ADAMTS18: variants seen among roughly 807,000 people sequenced by gnomAD.
The protein encoded by ADAMTS18 is ADAM metallopeptidase with thrombospondin type 1 motif 18.
In ADAMTS18, 157 loss-of-function variants were observed where a neutral mutation model predicts 165.9. That is an observed-to-expected ratio of 0.95 (90% CI 0.83 to 1.08). The LOEUF (loss-of-function observed/expected upper bound fraction) is 1.08, where lower values mean the gene tolerates loss of function less well. ADAMTS18 is among the 50% of genes least tolerant of loss of function. The probability of loss-of-function intolerance (pLI) is 0.00; values close to 1 mark genes in which losing one functional copy is unlikely to be tolerated. For missense variants in ADAMTS18, 2,040 were observed against 1,534.0 expected (o/e 1.33, Z -5.51); for synonymous variants, 782 against 578.2 (o/e 1.35, Z -5.06).
rs775166151 is a variant in ADAMTS18, at chr16:77,293,060, G to C, written c.3189+16C>G. 6 of 1,613,874 alleles carry C rather than the reference G, an allele frequency of 3.7e-6. No individual in the cohort carries two copies. The East Asian group carries it at 1.3e-4, about 36-fold the overall frequency. ...GGTCTCAATCTCCTGACCCAGCAGT[G>C]ACTTCTAATCCATACCTCGCTCCAC... On this transcript the variant is annotated intron_variant, in intron 20 of 22. Transcript: ENST00000282849.
chr16:77,362,662 G>C (rs551056472), intron 6 of ADAMTS18, among the ~76,000 whole-genome samples: 3 of 150,298 alleles, frequency 2.0e-5, no homozygotes, highest in Non-Finnish European at 4.4e-5. Flanking sequence ...CCAGCAAAGC[G>C]TCTGGCACAT....
chr16:77,296,791 G>C (rs1213048001), intron 18 of ADAMTS18, among the ~76,000 whole-genome samples: 2 of 152,102 alleles, frequency 1.3e-5, no homozygotes, highest in African/African-American at 2.4e-5. Context: ...CTGTACTCCA[G>C]CCTGGGCAAC....
chr16:77,325,456 G>A (rs1454058519), intron 13 of ADAMTS18, among the ~76,000 whole-genome samples: 2 of 152,078 alleles, frequency 1.3e-5, no homozygotes, highest in Admixed American at 6.5e-5. Context: ...GCCTTCCCAT[G>A]CTTGTAATCA....
At chr16:77,295,174 A>G (rs2055445575) in intron 18 of ADAMTS18, 47 bp from the exon 19 acceptor site, 32 of 1,601,896 alleles carry the variant, frequency 2.0e-5, no homozygotes, top group Non-Finnish European at 2.5e-5. Context: ...ACTTTGTATG[A>G]TAACTTCCAA....
intron 14 of ADAMTS18, 72 bp from the exon 15 acceptor site, chr16:77,321,274 A>G (rs1334644345): frequency 3.2e-6 from 5 of 1,586,492 alleles, no homozygotes; most frequent in Non-Finnish European, 4.3e-6. Context: ...ATTAAGAGGT[A>G]TATGGTTCTC....
At chr16:77,419,188 A>T (rs2057569174) in intron 3 of ADAMTS18, among the ~76,000 whole-genome samples, 1 of 152,156 alleles carries the variant, frequency 6.6e-6, no homozygotes, top group Admixed American at 6.5e-5. Flanking sequence ...CAGTTGTGTA[A>T]GTCTGAAGTG....
rs1437701971 is a variant in ADAMTS18 at position 77,290,937 on chromosome 16, A to G, written c.3402+329T>C. 7.0e-5 allele frequency: 28 copies of G among 402,328 alleles called. No individual in the cohort carries two copies. The Admixed American group carries it at 1.0e-3, about 15-fold the overall frequency. The allele number at this position is 402,328 out of a possible 1,614,324, so 24.9% of individuals were successfully genotyped here. ...CTGTGAGCAGCATTTCTAAAACAGAAAGACTCGAGTGGTAGTTTCCGTAGC... is the reference window on the plus strand; with the variant it reads ...CTGTGAGCAGCATTTCTAAAACAGAGAGACTCGAGTGGTAGTTTCCGTAGC... On this transcript the variant is annotated intron_variant, in intron 21 of 22. Transcript: ENST00000282849.
chr16:77,289,131 C>T (rs554718074), intron 22 of ADAMTS18, 133 bp downstream of exon 22: 5 of 1,161,360 alleles, frequency 4.3e-6, no homozygotes, highest in South Asian at 3.8e-5. Flanking sequence ...CCAGGGAGCA[C>T]TGTCACATAG....
chr16:77,310,005 G>C (rs78341798), intron 16 of ADAMTS18, among the ~76,000 whole-genome samples: 5,164 of 152,220 alleles, frequency 0.034, 104 homozygotes, highest in South Asian at 0.051. Context: ...GGTTGTCAAG[G>C]CCAGTCTCAA....
intron 10 of ADAMTS18, among the ~76,000 whole-genome samples, chr16:77,344,427 C>T (rs879608772): frequency 4.6e-5 from 7 of 152,040 alleles, no homozygotes; most frequent in Admixed American, 2.0e-4. Context: ...ATCATCGCTA[C>T]GTGTTGTCGT....
At chr16:77,392,614 G>C (rs2057203604) in intron 3 of ADAMTS18, among the ~76,000 whole-genome samples, 1 of 151,984 alleles carries the variant, frequency 6.6e-6, no homozygotes, top group African/African-American at 2.4e-5. Flanking sequence ...TTTGCCTATG[G>C]TCCATTTCTA....
chr16:77,392,745 G>A (rs1268074654), intron 3 of ADAMTS18, among the ~76,000 whole-genome samples: 1 of 152,040 alleles, frequency 6.6e-6, no homozygotes, highest in Admixed American at 6.6e-5. Context: ...TGTCCTGATG[G>A]AATTTACATC....
At chr16:77,311,114 A>G (rs1037597483) in intron 16 of ADAMTS18, among the ~76,000 whole-genome samples, 8 of 152,362 alleles carry the variant, frequency 5.3e-5, no homozygotes, top group African/African-American at 1.9e-4. Flanking sequence ...AAAAAAGAGG[A>G]ACATTACTCT....
chr16:77,309,781 T>C (rs1042281383), intron 16 of ADAMTS18, among the ~76,000 whole-genome samples: 3 of 152,148 alleles, frequency 2.0e-5, no homozygotes, highest in South Asian at 2.1e-4. Context: ...AGTGGAATGA[T>C]TGGCAAACTC....
intron 3 of ADAMTS18, among the ~76,000 whole-genome samples, chr16:77,367,999 C>G (rs970523564): frequency 6.6e-6 from 1 of 152,186 alleles, no homozygotes; most frequent in African/African-American, 2.4e-5. Flanking sequence ...AGCTCAGCCT[C>G]TGGAGTAGCT....
At chr16:77,364,140 C>A (rs368488561) in intron 5 of ADAMTS18, 48 bp downstream of exon 5, 1 of 1,609,994 alleles carries the variant, frequency 6.2e-7, no homozygotes. Flanking sequence ...AATTCCATGA[C>A]ATTTATTTTC....
chr16:77,434,248 T>TGGGGG (rs1166725858), intron 2 of ADAMTS18, among the ~76,000 whole-genome samples, 170 bp downstream of exon 2: 5 of 152,110 alleles, frequency 3.3e-5, no homozygotes, highest in African/African-American at 1.2e-4. Flanking sequence ...ATTCTTTTGA[T>TGGGGG]AAGTTCAGTC....
intron 21 of ADAMTS18, among the ~76,000 whole-genome samples, chr16:77,290,136 A>AT: frequency 6.6e-6 from 1 of 152,240 alleles, no homozygotes; most frequent in African/African-American, 2.4e-5. Context: ...TGTCTCAATT[A>AT]AAATTTAAGG....
intron 19 of ADAMTS18, among the ~76,000 whole-genome samples, chr16:77,294,385 C>G (rs962020504): frequency 3.3e-5 from 5 of 152,084 alleles, no homozygotes; most frequent in African/African-American, 1.2e-4. Context: ...GCAAACTTAC[C>G]CACGGTTGAG....
Sources: allele counts gnomAD v4.1 joint callset (sites outside exome capture counted in the v4.1 genomes callset), GRCh38; gene constraint gnomAD v4.1.1; transcripts MANE v1.5; gene names NCBI Gene and HGNC (gene_info 2026-07-23, HGNC 2026-07-21).